The following CYP4X1 variants were observed in gnomAD, a reference collection of about 807,000 sequenced individuals.
CYP4X1 encodes the protein cytochrome P450 family 4 subfamily X member 1.
In CYP4X1, 44 loss-of-function variants were observed where a neutral mutation model predicts 57.9. The observed-to-expected ratio is 0.76, with a 90% CI of 0.60 to 0.98. The LOEUF is 0.98. Among genes scored for constraint, CYP4X1 ranks in the 50% least tolerant of loss-of-function variants. The probability of loss-of-function intolerance (pLI) is 0.00; values close to 1 mark genes in which losing one functional copy is unlikely to be tolerated. For synonymous variants in CYP4X1, 227 were observed against 228.6 expected (o/e 0.99, Z 0.06); for missense variants, 532 against 623.9 (o/e 0.85, Z 1.57).
chr1:46,990,377 G>C, the CYP4X1 span, among the ~76,000 whole-genome samples: 10 of 152,124 alleles, frequency 6.6e-5, no homozygotes, highest in Admixed American at 6.6e-5. Flanking sequence ...TTAGAATGGC[G>C]ATCATTAAAA....
chr1:46,979,731 A>C, the CYP4X1 span, among the ~76,000 whole-genome samples: 5 of 152,336 alleles, frequency 3.3e-5, no homozygotes, highest in African/African-American at 1.2e-4. Context: ...ATCCTCAATA[A>C]TATACTGGCA....
the CYP4X1 span, among the ~76,000 whole-genome samples, chr1:47,012,407 A>G: frequency 0.022 from 3,279 of 152,222 alleles, 78 homozygotes; most frequent in African/African-American, 0.057. Flanking sequence ...AGGGCCTGTC[A>G]TGGGGTGAGG....
the CYP4X1 span, among the ~76,000 whole-genome samples, chr1:46,967,114 T>C: frequency 1.2e-4 from 18 of 152,336 alleles, no homozygotes; most frequent in African/African-American, 4.3e-4. Flanking sequence ...CTACAATCAG[T>C]TGACTTCAAG....
At chr1:47,009,310 A>G in the CYP4X1 span, among the ~76,000 whole-genome samples, 1 of 151,746 alleles carries the variant, frequency 6.6e-6, no homozygotes, top group African/African-American at 2.4e-5. Flanking sequence ...CTGAATGACT[A>G]CCTGGTACAT....
chr1:47,052,599 C>T (rs1644366515), downstream of CYP4X1, among the ~76,000 whole-genome samples: 1 of 152,088 alleles, frequency 6.6e-6, no homozygotes, highest in Admixed American at 6.6e-5. Flanking sequence ...CATTTACAAA[C>T]ATAGCATATT....
chr1:47,029,424 GT>G (rs544303018), intron 1 of CYP4X1, among the ~76,000 whole-genome samples: 47 of 152,352 alleles, frequency 3.1e-4, no homozygotes, highest in African/African-American at 1.1e-3. Flanking sequence ...TCACACATCT[GT>G]GTAAATGGAC....
At chr1:47,049,535 C>G (rs1260589738) in intron 11 of CYP4X1, 31 bp downstream of exon 11, 7 of 1,579,056 alleles carry the variant, frequency 4.4e-6, no homozygotes, top group Non-Finnish European at 6.1e-6. Context: ...CTGAAAGTAC[C>G]CAAAGATGTT....
At chr1:47,019,019 TGTAACTGGTTACAGGAA>T (rs1643970543), upstream of CYP4X1, among the ~76,000 whole-genome samples, 1 of 152,194 alleles carries the variant, frequency 6.6e-6, no homozygotes, top group Non-Finnish European at 1.5e-5. Flanking sequence ...CTTTTATTTC[TGTAACTGGTTACAGGAA>T]GAAAGCCTGG....
chr1:47,023,583 C>T, upstream of CYP4X1: 1 of 1,302,880 alleles, frequency 7.7e-7, no homozygotes, highest in Non-Finnish European at 9.7e-7. Flanking sequence ...GCAGTTGGGC[C>T]GAACGAAGCG....
At chr1:46,973,708 G>A in the CYP4X1 span, among the ~76,000 whole-genome samples, 5 of 152,046 alleles carry the variant, frequency 3.3e-5, no homozygotes, top group Non-Finnish European at 5.9e-5. Flanking sequence ...TCTAGTTTGT[G>A]TGCATAGATG....
chr1:46,994,045 G>A, the CYP4X1 span, among the ~76,000 whole-genome samples: 3 of 151,354 alleles, frequency 2.0e-5, no homozygotes, highest in Non-Finnish European at 4.4e-5. Context: ...GTTTTCTTCT[G>A]GGGTTTTTAT....
At chr1:47,033,418 T>C (rs1294529003) in intron 4 of CYP4X1, 50 bp downstream of exon 4, 1 of 1,608,728 alleles carries the variant, frequency 6.2e-7, no homozygotes, top group Admixed American at 1.7e-5. Flanking sequence ...CTCCCAGCAA[T>C]GGACAGTATT....
At chr1:47,034,799 C>G (rs74073884) in intron 4 of CYP4X1, among the ~76,000 whole-genome samples, 10,794 of 151,902 alleles carry the variant, frequency 0.071, 490 homozygotes, top group East Asian at 0.22. Context: ...CTCTATTTCT[C>G]GGAGCGCTTC....
intron 3 of CYP4X1, among the ~76,000 whole-genome samples, chr1:47,031,721 A>G (rs1370627602): frequency 6.6e-6 from 1 of 152,136 alleles, no homozygotes; most frequent in Non-Finnish European, 1.5e-5. Flanking sequence ...GGCAGCAGAT[A>G]CATGAATCTG....
intron 7 of CYP4X1, among the ~76,000 whole-genome samples, 178 bp downstream of exon 7, chr1:47,038,944 C>T (rs1014886506): frequency 6.6e-6 from 1 of 152,074 alleles, no homozygotes; most frequent in Admixed American, 6.6e-5. Context: ...GCAACTGTGT[C>T]GCTAGAGGAG....
chr1:47,022,266 C>G (rs1395983576), upstream of CYP4X1, among the ~76,000 whole-genome samples: 1 of 150,500 alleles, frequency 6.6e-6, no homozygotes, highest in Non-Finnish European at 1.5e-5. Context: ...GATGAAGTCA[C>G]CACCCCTGGG....
chr1:47,021,387 G>T (rs946626392), upstream of CYP4X1, among the ~76,000 whole-genome samples: 3 of 152,156 alleles, frequency 2.0e-5, no homozygotes, highest in African/African-American at 7.2e-5. Context: ...TGAAATGGAG[G>T]TTGTGGGGAA....
At chr1:47,054,708 TG>T, downstream of CYP4X1, among the ~76,000 whole-genome samples, 1 of 152,326 alleles carries the variant, frequency 6.6e-6, no homozygotes, top group South Asian at 2.1e-4. Flanking sequence ...ACTCATGATT[TG>T]GCTCTCTGTT....
chr1:47,052,590 A>G (rs1221105298), downstream of CYP4X1, among the ~76,000 whole-genome samples: 18 of 152,262 alleles, frequency 1.2e-4, no homozygotes, highest in South Asian at 4.1e-4. Flanking sequence ...ACTGCAAAAC[A>G]TTTACAAACA....
Sources: allele counts gnomAD v4.1 joint callset (sites outside exome capture counted in the v4.1 genomes callset), GRCh38; gene constraint gnomAD v4.1.1; transcripts MANE v1.5; gene names NCBI Gene and HGNC (gene_info 2026-07-23, HGNC 2026-07-21).